The following LAMA2 variants were observed in gnomAD, a reference collection of about 807,000 sequenced individuals.
LAMA2 encodes laminin subunit alpha-2.
A neutral mutation model predicts 364.8 loss-of-function variants in LAMA2; 269 were observed. The observed-to-expected ratio is 0.74, with a 90% CI of 0.67 to 0.82. The LOEUF (loss-of-function observed/expected upper bound fraction) is 0.82. Among genes scored for constraint, LAMA2 ranks in the 40% least tolerant of loss-of-function variants. The pLI, the probability that LAMA2 is intolerant of heterozygous loss-of-function variation, is 0.00. For missense variants in LAMA2, 3,807 were observed against 3,873.2 expected, an observed-to-expected ratio of 0.98 and a Z score of 0.45; for synonymous variants, 1,379 against 1,370.6, an observed-to-expected ratio of 1.01 and a Z score of -0.14.
At chr6:128,910,292 G>T (rs1198032942) in intron 1 of LAMA2, among the ~76,000 whole-genome samples, 1 of 152,154 alleles carries the variant, frequency 6.6e-6, no homozygotes, top group African/African-American at 2.4e-5. Context: ...CGTGGATTTG[G>T]TCTTTTCACA....
intron 3 of LAMA2, among the ~76,000 whole-genome samples, chr6:129,092,453 G>C (rs1774901946): frequency 6.6e-6 from 1 of 152,044 alleles, no homozygotes; most frequent in African/African-American, 2.4e-5. Flanking sequence ...GTTCCTATTT[G>C]GATAAATAAG....
chr6:129,447,444 A>G (rs894781787), intron 45 of LAMA2, among the ~76,000 whole-genome samples: 1 of 152,214 alleles, frequency 6.6e-6, no homozygotes, highest in African/African-American at 2.4e-5. Context: ...CAGTGGGAGA[A>G]GGAAGTTTTA....
At chr6:129,294,109 C>T (rs1427864276) in intron 20 of LAMA2, among the ~76,000 whole-genome samples, 1 of 152,118 alleles carries the variant, frequency 6.6e-6, no homozygotes, top group Non-Finnish European at 1.5e-5. Context: ...TTCTGACTCC[C>T]GGGAAAACAC....
At chr6:129,266,538 A>G (rs921747934) in intron 15 of LAMA2, among the ~76,000 whole-genome samples, 1 of 152,188 alleles carries the variant, frequency 6.6e-6, no homozygotes, top group Non-Finnish European at 1.5e-5. Flanking sequence ...CATGAAATAC[A>G]TGAATTATAT....
At chr6:129,492,931 A>G (rs1368726106) in intron 58 of LAMA2, among the ~76,000 whole-genome samples, 1 of 152,182 alleles carries the variant, frequency 6.6e-6, no homozygotes, top group Non-Finnish European at 1.5e-5. Flanking sequence ...AGGCAGGCAG[A>G]TTGCCTGAGC....
intron 4 of LAMA2, among the ~76,000 whole-genome samples, chr6:129,107,910 G>A (rs1483489539): frequency 6.6e-6 from 1 of 152,116 alleles, no homozygotes; most frequent in Non-Finnish European, 1.5e-5. Context: ...ATAAGCTCAG[G>A]AGTCCCCCCT....
At chr6:129,352,855 A>G (rs1449437042) in intron 31 of LAMA2, among the ~76,000 whole-genome samples, 2 of 152,150 alleles carry the variant, frequency 1.3e-5, no homozygotes, top group South Asian at 2.1e-4. Flanking sequence ...GAAGAATCCA[A>G]TTCTTCTCAT....
At chr6:128,930,611 A>G (rs537671787) in intron 1 of LAMA2, among the ~76,000 whole-genome samples, 3 of 152,228 alleles carry the variant, frequency 2.0e-5, no homozygotes, top group South Asian at 2.1e-4. Context: ...CGTCCTTGCT[A>G]TCTTTGTTAG....
At position 128,910,884 on chromosome 6, in the gene LAMA2, G is replaced by C. The variant is rs543941784; in HGVS notation, c.112+27527G>C. Among the ~76,000 whole-genome samples, 1,140 of 151,042 alleles carry C rather than the reference G, an allele frequency of 7.5e-3. 13 individuals carry two copies. Among genetic ancestry groups the C allele is most frequent in the Middle Eastern group, 0.014 (4 of 292 alleles). On this transcript the variant is annotated intron_variant, in intron 1 of 64. Transcript: ENST00000421865. Reference sequence around the variant, plus strand: ...AGGACCCTCAACTGCAGGTCTGTTGGAGTACCCTGCCATGTGAGGTGTCAG... The same window carrying C: ...AGGACCCTCAACTGCAGGTCTGTTGCAGTACCCTGCCATGTGAGGTGTCAG...
At chr6:128,956,057 A>G (rs1433856294) in intron 1 of LAMA2, among the ~76,000 whole-genome samples, 3 of 151,968 alleles carry the variant, frequency 2.0e-5, no homozygotes, top group African/African-American at 7.2e-5. Context: ...TATGAAAGCA[A>G]TTCACACAAT....
At chr6:129,370,662 T>A (rs555195729) in intron 34 of LAMA2, among the ~76,000 whole-genome samples, 27 of 152,342 alleles carry the variant, frequency 1.8e-4, no homozygotes, top group African/African-American at 6.0e-4. Context: ...TTAATTTGAT[T>A]ATCTAAGAGC....
intron 1 of LAMA2, among the ~76,000 whole-genome samples, chr6:128,942,188 G>C (rs371561944): frequency 2.6e-5 from 4 of 151,552 alleles, no homozygotes; most frequent in African/African-American, 9.7e-5. Context: ...CATAACTTTC[G>C]TGTTTTTTCC....
chr6:129,288,581 C>A (rs1235373358), intron 19 of LAMA2, among the ~76,000 whole-genome samples: 1 of 152,118 alleles, frequency 6.6e-6, no homozygotes, highest in Non-Finnish European at 1.5e-5. Context: ...GAATGATTAA[C>A]CTCATTTTAG....
intron 1 of LAMA2, among the ~76,000 whole-genome samples, chr6:128,941,294 G>A (rs903388866): frequency 6.6e-6 from 1 of 152,210 alleles, no homozygotes; most frequent in Admixed American, 6.5e-5. Context: ...ATAATGTTAG[G>A]TGCTGGGGAA....
At position 129,506,345 on chromosome 6, in the gene LAMA2, C is replaced by G. The variant is rs181903843; in HGVS notation, c.8703+990C>G. Among the ~76,000 whole-genome samples the G allele has an allele frequency of 7.9e-3, 1,194 of 151,288 alleles. 5 individuals carry two copies. Among genetic ancestry groups the G allele is most frequent in the Non-Finnish European group, 0.013 (900 of 67,838 alleles). On this transcript the variant is annotated intron_variant, in intron 61 of 64. Transcript: ENST00000421865. ...TCCAGCCTGGGCAACAGAGCGAGAC[C>G]CTGTCTCAAAAAAATAAATAAATAA...
intron 1 of LAMA2, among the ~76,000 whole-genome samples, chr6:128,968,696 C>T (rs772691368): frequency 6.6e-6 from 1 of 151,992 alleles, no homozygotes; most frequent in African/African-American, 2.4e-5. Context: ...GTTTGAGGAA[C>T]AGAAACAAGG....
rs527669904 is a variant in LAMA2 at position 129,504,057 on chromosome 6, A to C, written c.8547+777A>C. Among the ~76,000 whole-genome samples, 8 of 152,348 alleles carry C rather than the reference A, an allele frequency of 5.3e-5. No homozygotes were observed. The East Asian group carries it at 1.5e-3, about 29-fold the overall frequency. ...CAAAGCTTCCCTAGGTAGACCAATA[A>C]AATTTTTAATTTTCAGAGTACGATA... is the stretch of plus-strand genomic sequence containing the variant. On this transcript the variant is annotated intron_variant, in intron 60 of 64. Transcript: ENST00000421865.
chr6:129,352,660 TAAC>T (rs956014387), intron 31 of LAMA2, among the ~76,000 whole-genome samples: 1 of 152,116 alleles, frequency 6.6e-6, no homozygotes, highest in Non-Finnish European at 1.5e-5. Context: ...CAAGAGGACT[TAAC>T]AAAAAAGTTT....
At chr6:129,113,385 C>T (rs79555109) in intron 4 of LAMA2, among the ~76,000 whole-genome samples, 123 of 152,048 alleles carry the variant, frequency 8.1e-4, no homozygotes, top group African/African-American at 2.8e-3. Flanking sequence ...GCTGGTGTTC[C>T]GTGCTAAGAA....
Sources: allele counts gnomAD v4.1 joint callset (sites outside exome capture counted in the v4.1 genomes callset), GRCh38; gene constraint gnomAD v4.1.1; transcripts MANE v1.5; gene names NCBI Gene and HGNC (gene_info 2026-07-23, HGNC 2026-07-21).